The following MLLT3 variants were observed in gnomAD, a reference collection of about 807,000 sequenced individuals.
MLLT3 encodes protein AF-9.
In MLLT3, 4 loss-of-function variants were observed where a neutral mutation model predicts 53.2. The observed-to-expected ratio is 0.08, with a 90% CI of 0.04 to 0.17. MLLT3 has a LOEUF of 0.17. MLLT3 is among the 10% of genes least tolerant of loss of function. MLLT3 has a pLI of 1.00. For missense variants in MLLT3, 569 were observed against 684.0 expected, an observed-to-expected ratio of 0.83 and a Z score of 1.87; for synonymous variants, 283 against 230.6, an observed-to-expected ratio of 1.23 and a Z score of -2.06.
At chr9:20,590,460 T>G (rs77209366) in intron 2 of MLLT3, among the ~76,000 whole-genome samples, 3,284 of 152,316 alleles carry the variant, frequency 0.022, 120 homozygotes, top group African/African-American at 0.076. Context: ...GTTCTCATGA[T>G]AGTGAGTTCT....
At chr9:20,587,479 A>AG (rs1486411723) in intron 2 of MLLT3, among the ~76,000 whole-genome samples, 2 of 152,084 alleles carry the variant, frequency 1.3e-5, no homozygotes, top group African/African-American at 4.8e-5. Context: ...AAGACAAGAG[A>AG]GGGGCCCCCT....
chr9:20,350,494 C>A (rs1251653554), intron 10 of MLLT3, among the ~76,000 whole-genome samples: 1 of 148,892 alleles, frequency 6.7e-6, no homozygotes, highest in Non-Finnish European at 1.5e-5. Flanking sequence ...ACTTGGGAGG[C>A]TGAGGCAGGA....
At chr9:20,522,780 C>T (rs1818096459) in intron 2 of MLLT3, among the ~76,000 whole-genome samples, 1 of 151,962 alleles carries the variant, frequency 6.6e-6, no homozygotes, top group Admixed American at 6.6e-5. Context: ...ATACAATATA[C>T]AAAGGGCCCA....
In MLLT3 at chr9:20,363,608, G is replaced by C. The variant is rs770713677; in HGVS notation, c.1202-3C>G. The C allele has an allele frequency of 1.9e-6, 3 of 1,612,892 alleles. No homozygotes were observed. The highest frequency in any genetic ancestry group is 2.5e-6 in the Non-Finnish European group (3 of 1,179,798). ...TTTCATTATAGACCTCAAAGGACCT[G>C]AGTAATGACAATGAACCACAGGCAA... On this transcript the variant is annotated splice_region_variant and splice_polypyrimidine_tract_variant and intron_variant, in intron 6 of 10. Coordinates refer to ENST00000380338, the MANE Select transcript of MLLT3 (RefSeq NM_004529.4).
chr9:20,571,301 GCA>G (rs144430770), intron 2 of MLLT3, among the ~76,000 whole-genome samples: 1 of 151,894 alleles, frequency 6.6e-6, no homozygotes, highest in African/African-American at 2.4e-5. Context: ...ACAAGCACAT[GCA>G]CACACACACA....
chr9:20,379,007 CT>C (rs1821844667), intron 5 of MLLT3, among the ~76,000 whole-genome samples: 1 of 152,082 alleles, frequency 6.6e-6, no homozygotes, highest in Non-Finnish European at 1.5e-5. Flanking sequence ...ATGCACACAT[CT>C]TATATAAGCC....
chr9:20,410,210 A>G (rs989714753), intron 5 of MLLT3, among the ~76,000 whole-genome samples: 3 of 152,170 alleles, frequency 2.0e-5, no homozygotes, highest in African/African-American at 4.8e-5. Flanking sequence ...TAAACCCACA[A>G]CCTTGAAAAA....
At chr9:20,478,802 G>C (rs1824589860) in intron 2 of MLLT3, among the ~76,000 whole-genome samples, 1 of 152,090 alleles carries the variant, frequency 6.6e-6, no homozygotes, top group Non-Finnish European at 1.5e-5. Context: ...TAGAAAAGAG[G>C]CCATGTATAA....
intron 2 of MLLT3, among the ~76,000 whole-genome samples, chr9:20,459,976 A>C (rs896290839): frequency 1.3e-5 from 2 of 152,348 alleles, no homozygotes; most frequent in Non-Finnish European, 2.9e-5. Flanking sequence ...AATCTGAAGA[A>C]AGTCAAATTA....
At chr9:20,507,226 A>G (rs2118953384) in intron 2 of MLLT3, among the ~76,000 whole-genome samples, 1 of 152,318 alleles carries the variant, frequency 6.6e-6, no homozygotes, top group South Asian at 2.1e-4. Flanking sequence ...ACCGATATCT[A>G]CCTCTTAAGT....
intron 4 of MLLT3, among the ~76,000 whole-genome samples, chr9:20,426,728 T>G (rs1823147652): frequency 1.3e-5 from 2 of 152,128 alleles, no homozygotes; most frequent in East Asian, 3.9e-4. Flanking sequence ...GTTCTTACTA[T>G]GATACAACTA....
At chr9:20,549,200 A>C (rs1333632992) in intron 2 of MLLT3, among the ~76,000 whole-genome samples, 1 of 152,192 alleles carries the variant, frequency 6.6e-6, no homozygotes, top group Non-Finnish European at 1.5e-5. Context: ...GGCCACTCAA[A>C]TCACTGATTA....
intron 2 of MLLT3, among the ~76,000 whole-genome samples, chr9:20,511,242 G>A (rs763768490): frequency 2.0e-5 from 3 of 151,856 alleles, no homozygotes; most frequent in East Asian, 3.9e-4. Context: ...AAACTTAAAC[G>A]TATTACTTTT....
intron 2 of MLLT3, among the ~76,000 whole-genome samples, chr9:20,467,750 G>C (rs1054247734): frequency 6.6e-6 from 1 of 152,068 alleles, no homozygotes; most frequent in African/African-American, 2.4e-5. Context: ...AGAAAATGAA[G>C]ACTAAATACG....
chr9:20,548,631 T>C (rs1048673456), intron 2 of MLLT3, among the ~76,000 whole-genome samples: 1 of 152,172 alleles, frequency 6.6e-6, no homozygotes, highest in African/African-American at 2.4e-5. Flanking sequence ...AAGAGTAAGA[T>C]TGAAGAAAAG....
chr9:20,557,709 T>C (rs1363253923), intron 2 of MLLT3, among the ~76,000 whole-genome samples: 5 of 152,218 alleles, frequency 3.3e-5, no homozygotes, highest in Admixed American at 2.0e-4. Flanking sequence ...ATAAAAACTC[T>C]GTGTAAATCA....
At chr9:20,416,743 G>A (rs1822881147) in intron 4 of MLLT3, among the ~76,000 whole-genome samples, 1 of 151,720 alleles carries the variant, frequency 6.6e-6, no homozygotes, top group Admixed American at 6.6e-5. Context: ...TTCCTTTTTT[G>A]TAATTACCAC....
At chr9:20,598,613 C>T (rs912981511) in intron 2 of MLLT3, among the ~76,000 whole-genome samples, 1 of 152,172 alleles carries the variant, frequency 6.6e-6, no homozygotes, top group African/African-American at 2.4e-5. Flanking sequence ...GTATATAAGA[C>T]AAATGACACA....
At chr9:20,458,250 A>G (rs113076634) in intron 2 of MLLT3, among the ~76,000 whole-genome samples, 1 of 152,166 alleles carries the variant, frequency 6.6e-6, no homozygotes, top group Non-Finnish European at 1.5e-5. Context: ...CCTTATGACC[A>G]TATTTTGAAG....
Sources: allele counts gnomAD v4.1 joint callset (sites outside exome capture counted in the v4.1 genomes callset), GRCh38; gene constraint gnomAD v4.1.1; transcripts MANE v1.5; gene names NCBI Gene and HGNC (gene_info 2026-07-23, HGNC 2026-07-21).